The following PRKG1 variants were observed in gnomAD, a reference collection of about 807,000 sequenced individuals.
PRKG1 encodes the protein cGMP-dependent protein kinase 1.
PRKG1 carries 35 observed loss-of-function variants against 88.1 expected under a neutral mutation model. The ratio of observed to expected loss-of-function variants is 0.40; its 90% CI spans 0.30 to 0.53. The LOEUF (loss-of-function observed/expected upper bound fraction) is 0.53, where lower values mean the gene tolerates loss of function less well. Among genes scored for constraint, PRKG1 ranks in the 20% least tolerant of loss-of-function variants. The pLI, the probability that PRKG1 is intolerant of heterozygous loss-of-function variation, is 0.59. For missense variants in PRKG1, 540 were observed against 839.8 expected (o/e 0.64, Z 4.41); for synonymous variants, 303 against 292.5 (o/e 1.04, Z -0.37).
At chr10:51,867,817 G>A (rs1272803957) in intron 4 of PRKG1, among the ~76,000 whole-genome samples, 2 of 152,280 alleles carry the variant, frequency 1.3e-5, no homozygotes, top group African/African-American at 4.8e-5. Context: ...AAGACGTAAA[G>A]TAATCAAGAT....
At chr10:51,426,050 C>T (rs1461417638) in intron 2 of PRKG1, among the ~76,000 whole-genome samples, 13 of 152,164 alleles carry the variant, frequency 8.5e-5, no homozygotes, top group Middle Eastern at 3.4e-3. Flanking sequence ...CCGAGGCGGG[C>T]GGATCACTTG....
At chr10:51,030,735 A>G (rs972739277) in intron 1 of PRKG1, among the ~76,000 whole-genome samples, 24 of 152,018 alleles carry the variant, frequency 1.6e-4, no homozygotes, top group Admixed American at 6.6e-5. Flanking sequence ...TTGTTTAAAG[A>G]GCCTGAAAAA....
chr10:52,024,116 A>G (rs980021731), intron 5 of PRKG1, among the ~76,000 whole-genome samples: 17 of 151,912 alleles, frequency 1.1e-4, no homozygotes, highest in African/African-American at 3.9e-4. Flanking sequence ...GATCCAAACC[A>G]CTGCTCAAGG....
chr10:52,022,385 A>G (rs1465754006), intron 5 of PRKG1, among the ~76,000 whole-genome samples: 2 of 152,206 alleles, frequency 1.3e-5, no homozygotes, highest in South Asian at 2.1e-4. Flanking sequence ...TCAATGAAAA[A>G]TGTTTCAAAT....
intron 5 of PRKG1, among the ~76,000 whole-genome samples, chr10:51,957,986 A>G (rs569182072): frequency 6.6e-6 from 1 of 152,320 alleles, no homozygotes; most frequent in South Asian, 2.1e-4. Context: ...TGTAAAGGGC[A>G]AAATTCTCAA....
rs534900978 is a variant in PRKG1, at chr10:51,092,436, T to C, written c.311+17535T>C. Among the ~76,000 whole-genome samples the C allele has an allele frequency of 2.6e-5, 4 of 152,284 alleles. No individual in the cohort carries two copies. The South Asian group carries it at 6.2e-4, about 24-fold the overall frequency. ...AAAGCAGATGAAGAAGACGAAATGG[T>C]CTCTAAAGTAGGTGGTCCCAACCCC... On this transcript the variant is annotated intron_variant, in intron 1 of 17. Transcript: ENST00000373980.
intron 7 of PRKG1, among the ~76,000 whole-genome samples, chr10:52,119,558 C>G (rs1262185057): frequency 1.3e-5 from 2 of 152,032 alleles, no homozygotes; most frequent in African/African-American, 2.4e-5. Context: ...TTCCAGTATG[C>G]CTTCTCTTAC....
chr10:51,698,552 G>A (rs1841370553), intron 3 of PRKG1: 1 of 1,614,054 alleles, frequency 6.2e-7, no homozygotes. Flanking sequence ...GTCATTTGGA[G>A]CATCTCCTAA....
At chr10:51,329,032 C>T in intron 2 of PRKG1, among the ~76,000 whole-genome samples, 1 of 152,040 alleles carries the variant, frequency 6.6e-6, no homozygotes, top group African/African-American at 2.4e-5. Flanking sequence ...CCTCTTCACA[C>T]TGTTGATTAT....
chr10:51,265,623 T>G (rs1386053063), intron 2 of PRKG1, among the ~76,000 whole-genome samples: 3 of 152,038 alleles, frequency 2.0e-5, no homozygotes, highest in African/African-American at 7.3e-5. Flanking sequence ...ACAGAGTACA[T>G]GCCTTCCTCA....
At chr10:51,341,126 T>A (rs186815894) in intron 2 of PRKG1, among the ~76,000 whole-genome samples, 219 of 152,296 alleles carry the variant, frequency 1.4e-3, no homozygotes, top group African/African-American at 5.1e-3. Flanking sequence ...GTGTTTAAAT[T>A]GCCTTGAAGT....
chr10:52,234,499 C>T (rs1274523916), intron 9 of PRKG1, among the ~76,000 whole-genome samples: 1 of 150,708 alleles, frequency 6.6e-6, no homozygotes, highest in Non-Finnish European at 1.5e-5. Flanking sequence ...AACCAAGGCT[C>T]GAGAACTACG....
At chr10:51,416,124 A>G (rs1195597056) in intron 2 of PRKG1, among the ~76,000 whole-genome samples, 1 of 152,216 alleles carries the variant, frequency 6.6e-6, no homozygotes, top group Non-Finnish European at 1.5e-5. Context: ...AAAGCTTTAC[A>G]CTTGTTAACT....
intron 2 of PRKG1, among the ~76,000 whole-genome samples, chr10:51,359,497 T>C (rs974319135): frequency 6.6e-6 from 1 of 151,792 alleles, no homozygotes; most frequent in Non-Finnish European, 1.5e-5. Flanking sequence ...ATTATTATTA[T>C]TAACAGTCAT....
chr10:51,989,226 A>G (rs535828748), intron 5 of PRKG1, among the ~76,000 whole-genome samples: 107 of 152,232 alleles, frequency 7.0e-4, no homozygotes, highest in African/African-American at 2.5e-3. Context: ...GAGGAAAAGT[A>G]AGTAGGTGAA....
chr10:51,484,666 G>A (rs1299791703), intron 3 of PRKG1, among the ~76,000 whole-genome samples: 1 of 152,128 alleles, frequency 6.6e-6, no homozygotes, highest in Non-Finnish European at 1.5e-5. Flanking sequence ...GCCCCCACGT[G>A]AGACTCACCA....
At chr10:51,651,973 T>C (rs1345153329) in intron 3 of PRKG1, among the ~76,000 whole-genome samples, 1 of 152,210 alleles carries the variant, frequency 6.6e-6, no homozygotes, top group Non-Finnish European at 1.5e-5. Flanking sequence ...ATGTGTTCCA[T>C]AAATACTTAA....
intron 2 of PRKG1, among the ~76,000 whole-genome samples, chr10:51,465,284 G>T (rs150645424): frequency 1.4e-4 from 22 of 152,038 alleles, no homozygotes; most frequent in African/African-American, 4.8e-4. Flanking sequence ...AAACTGTCTG[G>T]TAGAATTCTT....
At chr10:52,188,786 AG>A (rs1839287254) in intron 9 of PRKG1, among the ~76,000 whole-genome samples, 1 of 152,178 alleles carries the variant, frequency 6.6e-6, no homozygotes, top group Admixed American at 6.5e-5. Flanking sequence ...AAGAGAGACA[AG>A]GTGCACATCT....
Sources: gnomAD v4.1 joint callset for allele counts (sites outside exome capture counted in the v4.1 genomes callset) on GRCh38, gnomAD v4.1.1 for gene constraint, MANE v1.5 for transcripts, NCBI Gene and HGNC (gene_info 2026-07-23, HGNC 2026-07-21) for gene names.